The following ATP10D variants were observed in gnomAD, a reference collection of about 807,000 sequenced individuals.
ATP10D encodes the protein phospholipid-transporting ATPase VD.
In ATP10D, 89 loss-of-function variants were observed where a neutral mutation model predicts 144.8. That is an observed-to-expected ratio of 0.61 (90% CI 0.52 to 0.73). The LOEUF is 0.73. Ranked by LOEUF, ATP10D falls within the 30% of genes least tolerant of loss-of-function variation. The pLI, the probability that ATP10D is intolerant of heterozygous loss-of-function variation, is 0.00. For missense variants in ATP10D, 1,603 were observed against 1,714.8 expected (o/e 0.93, Z 1.15); for synonymous variants, 571 against 615.1 (o/e 0.93, Z 1.06).
intron 1 of ATP10D, among the ~76,000 whole-genome samples, chr4:47,494,144 C>A (rs1715228895): frequency 6.6e-6 from 1 of 152,072 alleles, no homozygotes; most frequent in African/African-American, 2.4e-5. Flanking sequence ...TGCTTCTTGG[C>A]AACAGATTCC....
intron 5 of ATP10D, among the ~76,000 whole-genome samples, chr4:47,530,065 A>G (rs1412804148): frequency 1.3e-5 from 2 of 152,158 alleles, no homozygotes; most frequent in Non-Finnish European, 2.9e-5. Context: ...AGGGTTTTCT[A>G]GGTATAAGAA....
In ATP10D at chr4:47,488,462, C is replaced by A. The variant is rs1577598057; in HGVS notation, c.-38+2943C>A. On this transcript the variant is annotated intron_variant, in intron 1 of 22. Coordinates refer to ENST00000273859, the MANE Select transcript of ATP10D (RefSeq NM_020453.4). The stretch of plus-strand genomic sequence containing the variant: ...CCATTAAAATATCATATTTCCCCCA[C>A]CCCCTAGAAAATGTATTCCTAGGTG... Among the ~76,000 whole-genome samples, 3 of 152,004 alleles carry A rather than the reference C, an allele frequency of 2.0e-5. No homozygotes were observed. In the South Asian group the frequency reaches 6.2e-4, roughly 32 times the overall value.
At chr4:47,577,833 A>G (rs1720313066) in intron 19 of ATP10D, among the ~76,000 whole-genome samples, 1 of 151,860 alleles carries the variant, frequency 6.6e-6, no homozygotes, top group Non-Finnish European at 1.5e-5. Flanking sequence ...TTCCTAAAGG[A>G]GTCCAGTCTG....
intron 1 of ATP10D, among the ~76,000 whole-genome samples, chr4:47,501,593 C>T (rs1475983021): frequency 6.6e-6 from 1 of 152,142 alleles, no homozygotes; most frequent in Non-Finnish European, 1.5e-5. Context: ...TGTTACTGCC[C>T]TGTATCAGAG....
At chr4:47,500,535 G>T (rs764557411) in intron 1 of ATP10D, among the ~76,000 whole-genome samples, 65 of 152,346 alleles carry the variant, frequency 4.3e-4, no homozygotes, top group African/African-American at 1.5e-3. Context: ...GGACTGACAT[G>T]ATGTGAGTTG....
intron 5 of ATP10D, among the ~76,000 whole-genome samples, chr4:47,533,417 C>T (rs1013917771): frequency 6.6e-6 from 1 of 152,124 alleles, no homozygotes; most frequent in Non-Finnish European, 1.5e-5. Context: ...AAGTGCTTTA[C>T]AATGTATGGG....
rs1376349546 is a variant in ATP10D, at chr4:47,528,446, A to ATAG, written c.776+2809_776+2811dup. 5.5e-5 allele frequency among the ~76,000 whole-genome samples: 8 copies of ATAG among 146,772 alleles called. No individual in the cohort carries two copies. The East Asian group carries it at 1.6e-3, about 30-fold the overall frequency. On this transcript the variant is annotated intron_variant, in intron 5 of 22. Coordinates refer to ENST00000273859, the MANE Select transcript of ATP10D (RefSeq NM_020453.4). Reference sequence around the variant, plus strand: ...TGATTTCATTGTTTTTTATAGCTGAATAGTAGTCCATGGTGTGTGTGTGTG... The same window carrying ATAG: ...TGATTTCATTGTTTTTTATAGCTGAATAGTAGTAGTCCATGGTGTGTGTGTGTG...
At chr4:47,525,223 A>G (rs1442263720) in intron 4 of ATP10D, among the ~76,000 whole-genome samples, 5 of 152,324 alleles carry the variant, frequency 3.3e-5, no homozygotes, top group African/African-American at 2.4e-5. Flanking sequence ...ATTAAAGACC[A>G]ACAACAAAAG....
At chr4:47,557,509 A>T in intron 11 of ATP10D, 155 bp from the exon 12 acceptor site, 1 of 587,562 alleles carries the variant, frequency 1.7e-6, no homozygotes, top group Non-Finnish European at 2.6e-6. Flanking sequence ...TATTTGTATT[A>T]ATATTTTCCA....
In ATP10D at chr4:47,536,551, T is replaced by C. The variant is rs1717858168; in HGVS notation, c.1130T>C (p.Ile377Thr). The C allele has an allele frequency of 6.2e-7, 1 of 1,612,916 alleles. No individual in the cohort carries two copies. Among genetic ancestry groups the C allele is most frequent in the Non-Finnish European group, 8.5e-7 (1 of 1,179,520 alleles). Residue 377 changes from isoleucine to threonine, a missense_variant, in exon 8 of 23, where the codon ATC (isoleucine) becomes ACC (threonine). Physicochemically the swap from Ile to Thr is moderately conservative, Grantham distance 89 (BLOSUM62 -1). Transcript: ENST00000273859. Reference sequence around the variant, plus strand: ...GGATTTTATATGTTTTGGACCATGATCATTTTGTTACAGGTAATTTTTTAT... The same window carrying C: ...GGATTTTATATGTTTTGGACCATGACCATTTTGTTACAGGTAATTTTTTAT... ...LAGFYMFWTMIILLQVLIPIS... is the reference protein window; with the variant it reads ...LAGFYMFWTMTILLQVLIPIS...
At chr4:47,547,420 T>A (rs1336363299) in intron 10 of ATP10D, 2 of 153,434 alleles carry the variant, frequency 1.3e-5, no homozygotes, top group African/African-American at 4.8e-5. Context: ...AGGAACTGTC[T>A]AGTCACATCC....
At chr4:47,487,229 CCCAAAAAA>C (rs1456088643) in intron 1 of ATP10D, among the ~76,000 whole-genome samples, 6 of 14,138 alleles carry the variant, frequency 4.2e-4, no homozygotes, top group African/African-American at 9.6e-4. Context: ...AACTCCGTCC[CCCAAAAAA>C]AAAAAAAAAA....
chr4:47,490,300 G>C (rs1466247453), intron 1 of ATP10D, among the ~76,000 whole-genome samples: 6 of 152,046 alleles, frequency 3.9e-5, no homozygotes, highest in Admixed American at 3.9e-4. Context: ...ATGTCCTTTA[G>C]CTAGAAATCA....
chr4:47,564,197 C>A (rs968573357), intron 15 of ATP10D, among the ~76,000 whole-genome samples: 2 of 152,246 alleles, frequency 1.3e-5, no homozygotes, highest in South Asian at 4.1e-4. Flanking sequence ...TGGCCAGCAA[C>A]CATTAGCTTC....
intron 5 of ATP10D, 41 bp downstream of exon 5, chr4:47,525,683 T>C: frequency 6.9e-7 from 1 of 1,456,672 alleles, no homozygotes; most frequent in Non-Finnish European, 9.6e-7. Context: ...GTAAGTGGAA[T>C]TGTGTGTTGC....
At chr4:47,541,814 G>A (rs1011297620) in intron 9 of ATP10D, among the ~76,000 whole-genome samples, 2 of 152,130 alleles carry the variant, frequency 1.3e-5, no homozygotes, top group African/African-American at 4.8e-5. Context: ...AGGGGAATGG[G>A]AAGAAAAGAC....
intron 6 of ATP10D, 45 bp downstream of exon 6, chr4:47,535,660 A>G: frequency 6.5e-7 from 1 of 1,543,598 alleles, no homozygotes; most frequent in East Asian, 2.3e-5. Flanking sequence ...GTGCTTTTCT[A>G]CAAGTTAACA....
At chr4:47,523,704 G>C (rs1217565679) in intron 4 of ATP10D, among the ~76,000 whole-genome samples, 1 of 152,162 alleles carries the variant, frequency 6.6e-6, no homozygotes, top group Non-Finnish European at 1.5e-5. Flanking sequence ...CTTTGGACAA[G>C]TCATTTAAAC....
At chr4:47,539,843 A>G (rs1718041728) in intron 9 of ATP10D, among the ~76,000 whole-genome samples, 1 of 152,214 alleles carries the variant, frequency 6.6e-6, no homozygotes, top group Admixed American at 6.5e-5. Context: ...AAGAGCTAAT[A>G]CTAGCCCTCC....
Sources: allele counts gnomAD v4.1 joint callset (sites outside exome capture counted in the v4.1 genomes callset), GRCh38; gene constraint gnomAD v4.1.1; transcripts MANE v1.5; gene names NCBI Gene and HGNC (gene_info 2026-07-23, HGNC 2026-07-21).